NR1H4: variants seen among roughly 807,000 people sequenced by gnomAD.
NR1H4 encodes the protein nuclear receptor subfamily 1 group H member 4.
A neutral mutation model predicts 58.5 loss-of-function variants in NR1H4; 23 were observed. The ratio of observed to expected loss-of-function variants is 0.39; its 90% CI spans 0.28 to 0.56. The LOEUF is 0.56. Ranked by LOEUF, NR1H4 falls within the 20% of genes least tolerant of loss-of-function variation. NR1H4 has a pLI of 0.58. For synonymous variants in NR1H4, 214 were observed against 198.0 expected, an observed-to-expected ratio of 1.08 and a Z score of -0.68; for missense variants, 487 against 576.9, an observed-to-expected ratio of 0.84 and a Z score of 1.60.
At chr12:100,498,808 A>G (rs1281506551) in intron 3 of NR1H4, among the ~76,000 whole-genome samples, 1 of 152,186 alleles carries the variant, frequency 6.6e-6, no homozygotes. Flanking sequence ...AGGCCTAGCA[A>G]GTGTCAGGAG....
intron 10 of NR1H4, among the ~76,000 whole-genome samples, chr12:100,562,252 G>A (rs200639862): frequency 3.3e-5 from 5 of 152,102 alleles, no homozygotes; most frequent in East Asian, 3.9e-4. Context: ...GCTAAGCACC[G>A]GGGATGCAAC....
intron 3 of NR1H4, among the ~76,000 whole-genome samples, chr12:100,510,478 T>A (rs960789958): frequency 4.6e-5 from 7 of 151,798 alleles, no homozygotes; most frequent in Admixed American, 2.6e-4. Context: ...ATTCCTTTCC[T>A]TTATCCCTTT....
intron 4 of NR1H4, among the ~76,000 whole-genome samples, chr12:100,515,205 C>T (rs960308522): frequency 3.2e-5 from 4 of 126,412 alleles, no homozygotes; most frequent in Non-Finnish European, 4.7e-5. Context: ...GAGTCTTGCT[C>T]TGTTGCCCAG....
At chr12:100,482,503 G>C (rs1953403002) in intron 1 of NR1H4, among the ~76,000 whole-genome samples, 1 of 152,142 alleles carries the variant, frequency 6.6e-6, no homozygotes, top group South Asian at 2.1e-4. Context: ...AATTTATTGT[G>C]CATCTAAGAT....
chr12:100,518,962 A>G (rs540863267), intron 4 of NR1H4, among the ~76,000 whole-genome samples: 2 of 151,936 alleles, frequency 1.3e-5, no homozygotes, highest in African/African-American at 4.8e-5. Flanking sequence ...TAATTTTTGT[A>G]TTTTTAGTAG....
intron 9 of NR1H4, among the ~76,000 whole-genome samples, chr12:100,546,280 TAGA>T (rs899197157): frequency 4.1e-4 from 62 of 152,190 alleles, no homozygotes; most frequent in African/African-American, 1.5e-3. Flanking sequence ...ATGCCAGACC[TAGA>T]CCCTGTTAAT....
At chr12:100,531,094 A>G (rs1954680896) in intron 4 of NR1H4, among the ~76,000 whole-genome samples, 2 of 152,226 alleles carry the variant, frequency 1.3e-5, no homozygotes, top group East Asian at 3.8e-4. Flanking sequence ...GTGAATCGCC[A>G]GATTCCTAGA....
intron 6 of NR1H4, among the ~76,000 whole-genome samples, chr12:100,535,287 T>C (rs945396945): frequency 1.3e-5 from 2 of 152,252 alleles, no homozygotes; most frequent in African/African-American, 4.8e-5. Context: ...AATGATTTGG[T>C]GTATAAAATG....
intron 9 of NR1H4, among the ~76,000 whole-genome samples, chr12:100,556,453 G>C (rs1406698073): frequency 1.4e-5 from 2 of 142,144 alleles, no homozygotes; most frequent in African/African-American, 5.1e-5. Flanking sequence ...GGCAACAAGA[G>C]TGAAACTCCG....
intron 3 of NR1H4, among the ~76,000 whole-genome samples, chr12:100,499,642 C>T (rs2136119911): frequency 6.6e-6 from 1 of 152,298 alleles, no homozygotes; most frequent in South Asian, 2.1e-4. Flanking sequence ...GATTCCACTG[C>T]AGTCTAGGCC....
At position 100,500,487 on chromosome 12, in the gene NR1H4, C is replaced by T. The variant is rs576143493; in HGVS notation, c.79+7085C>T. On this transcript the variant is annotated intron_variant, in intron 3 of 10. Coordinates refer to ENST00000392986, the MANE Select transcript of NR1H4 (RefSeq NM_001206979.2). ...CCACTATTCGCATGTGGTTATTGAA[C>T]ACTTAAAATGTGACTGGTGTGACTG... 9.8e-5 allele frequency among the ~76,000 whole-genome samples: 15 copies of T among 152,290 alleles called. No homozygotes were observed. In the South Asian group the frequency reaches 1.4e-3, roughly 15 times the overall value.
At chr12:100,503,426 A>G in intron 3 of NR1H4, 1 of 1,597,766 alleles carries the variant, frequency 6.3e-7, no homozygotes, top group Non-Finnish European at 8.5e-7. Flanking sequence ...ATCCAATTCA[A>G]ATTAGTCCTC....
At chr12:100,545,505 G>A (rs1160628323) in intron 9 of NR1H4, among the ~76,000 whole-genome samples, 3 of 151,594 alleles carry the variant, frequency 2.0e-5, no homozygotes, top group African/African-American at 7.3e-5. Context: ...AGCTGGGCAT[G>A]GTGGCATGAG....
intron 8 of NR1H4, 141 bp from the exon 9 acceptor site, chr12:100,540,531 G>A (rs1018554092): frequency 2.2e-5 from 18 of 836,478 alleles, no homozygotes; most frequent in Admixed American, 1.4e-4. Flanking sequence ...TTTTATTGGC[G>A]AGTACAAATG....
intron 8 of NR1H4, among the ~76,000 whole-genome samples, chr12:100,540,009 CAA>C (rs1423736799): frequency 6.6e-6 from 1 of 152,082 alleles, no homozygotes; most frequent in African/African-American, 2.4e-5. Flanking sequence ...GGCTGGAACA[CAA>C]AGAGTAGAGG....
chr12:100,510,539 C>T (rs949842729), intron 3 of NR1H4, among the ~76,000 whole-genome samples: 4 of 149,480 alleles, frequency 2.7e-5, no homozygotes, highest in Admixed American at 6.7e-5. Context: ...GCTCTTTATA[C>T]ATTAATGAGA....
At chr12:100,492,314 A>T (rs1489636431) in intron 1 of NR1H4, among the ~76,000 whole-genome samples, 189 bp from the exon 2 acceptor site, 1 of 152,210 alleles carries the variant, frequency 6.6e-6, no homozygotes, top group African/African-American at 2.4e-5. Flanking sequence ...TACTTATCCA[A>T]AAAACCCACT....
At position 100,532,508 on chromosome 12, in the gene NR1H4, G is replaced by A. The variant is rs764162018; in HGVS notation, c.496G>A (p.Gly166Arg). The A allele has an allele frequency of 1.4e-5, 23 of 1,613,966 alleles. No individual in the cohort carries two copies. The highest frequency in any genetic ancestry group is 1.9e-5 in the Non-Finnish European group (22 of 1,179,960). Residue 166 changes from glycine to arginine, a missense_variant, in exon 5 of 11, where the codon GGG (glycine) becomes AGG (arginine). Coordinates refer to ENST00000392986, the MANE Select transcript of NR1H4 (RefSeq NM_001206979.2). Reference protein sequence around the residue: ...TKNAVYKCKNGGNCVMDMYMR... With the variant: ...TKNAVYKCKNRGNCVMDMYMR... ...AAACGCTGTGTACAAGTGTAAAAACGGGGGCAACTGTGTGATGGATATGTA... is the reference window on the plus strand; with the variant it reads ...AAACGCTGTGTACAAGTGTAAAAACAGGGGCAACTGTGTGATGGATATGTA...
At chr12:100,496,329 G>T (rs1194710475) in intron 3 of NR1H4, among the ~76,000 whole-genome samples, 1 of 152,190 alleles carries the variant, frequency 6.6e-6, no homozygotes, top group Non-Finnish European at 1.5e-5. Context: ...ATAGCCTGGA[G>T]TGATGGGCTG....
Sources: allele counts gnomAD v4.1 joint callset (sites outside exome capture counted in the v4.1 genomes callset), GRCh38; gene constraint gnomAD v4.1.1; transcripts MANE v1.5; gene names NCBI Gene and HGNC (gene_info 2026-07-23, HGNC 2026-07-21).